SPECC1L: variants seen among roughly 807,000 people sequenced by gnomAD.
SPECC1L encodes the protein cytospin-A.
In SPECC1L, 40 loss-of-function variants were observed where a neutral mutation model predicts 116.8. That is an observed-to-expected ratio of 0.34 (90% CI 0.27 to 0.45). SPECC1L has a LOEUF of 0.45. SPECC1L is among the 20% of genes least tolerant of loss of function. The pLI is 1.00. For missense variants in SPECC1L, 1,110 were observed against 1,373.6 expected (o/e 0.81, Z 3.03); for synonymous variants, 504 against 500.6 (o/e 1.01, Z -0.09).
Position 24,313,441 on chromosome 22 carries a change from G to A in SPECC1L, c.282G>A (p.Val94=). Reference sequence around the variant, plus strand: ...CATCTGCCCCTGCCATGACCACCGTGGAGAACAAATCCAAGATTAGCACAG... The same window carrying A: ...CATCTGCCCCTGCCATGACCACCGTAGAGAACAAATCCAAGATTAGCACAG... The part of the protein sequence containing the change: ...PSASAPAMTT[V]ENKSKISTGT... The change falls in exon 4 of 17, where the codon GTG becomes GTA. Residue 94 remains valine (V), a synonymous_variant. Transcript: ENST00000314328. 1.2e-6 allele frequency: 2 copies of A among 1,614,104 alleles called. No homozygotes were observed. Among genetic ancestry groups the A allele is most frequent in the Non-Finnish European group, 8.5e-7 (1 of 1,180,038 alleles).
At position 24,347,192 on chromosome 22, in the gene SPECC1L, C is replaced by T. The variant is rs768977124; in HGVS notation, c.2743+16C>T. 6.3e-7 allele frequency: 1 copy of T among 1,581,486 alleles called. No individual in the cohort carries two copies. The highest frequency in any genetic ancestry group is 8.7e-7 in the Non-Finnish European group (1 of 1,150,428). The stretch of plus-strand genomic sequence containing the variant: ...CCTGTTCAAGGTACGTGTAATATGC[C>T]ATAGCATTTCACCTTTTTTTCAATT... On this transcript the variant is annotated intron_variant, in intron 11 of 16. Coordinates refer to ENST00000314328, the MANE Select transcript of SPECC1L (RefSeq NM_015330.6).
intron 2 of SPECC1L, among the ~76,000 whole-genome samples, chr22:24,280,217 T>A (rs1416294715): frequency 2.3e-4 from 35 of 152,302 alleles, no homozygotes; most frequent in African/African-American, 8.2e-4. Context: ...GCATCTCCAA[T>A]GCCTTGCTTT....
intron 11 of SPECC1L, among the ~76,000 whole-genome samples, chr22:24,356,430 T>A (rs1320121105): frequency 6.6e-6 from 1 of 152,162 alleles, no homozygotes; most frequent in African/African-American, 2.4e-5. Flanking sequence ...TTATATTTTT[T>A]AAATCTCTGA....
chr22:24,372,945 A>G (rs954338610), intron 14 of SPECC1L, among the ~76,000 whole-genome samples: 16 of 152,242 alleles, frequency 1.1e-4, no homozygotes, highest in Non-Finnish European at 7.3e-5. Flanking sequence ...TACAAAATCA[A>G]TGTGCAAAAA....
intron 14 of SPECC1L, among the ~76,000 whole-genome samples, chr22:24,403,961 G>T (rs1392900706): frequency 6.6e-6 from 1 of 152,162 alleles, no homozygotes; most frequent in African/African-American, 2.4e-5. Flanking sequence ...TTTTTTAAAA[G>T]CACACAAACC....
intron 11 of SPECC1L, among the ~76,000 whole-genome samples, chr22:24,355,246 G>A (rs921967072): frequency 7.6e-6 from 1 of 131,290 alleles, no homozygotes; most frequent in Non-Finnish European, 1.5e-5. Context: ...TCGTGCCACT[G>A]CACTCCAGCT....
chr22:24,342,486 C>T lies in SPECC1L; in HGVS notation c.2652+4009C>T, dbSNP rs190879291. 3.6e-3 allele frequency among the ~76,000 whole-genome samples: 541 copies of T among 152,178 alleles called. 4 individuals are homozygous for T. Among genetic ancestry groups the T allele is most frequent in the Non-Finnish European group, 4.2e-3 (284 of 68,000 alleles). ...AGGAGTTCAAGACCAGCCTGGCCAA[C>T]ATGGCGAAACCCCATCTCTACTAAA... On this transcript the variant is annotated intron_variant, in intron 10 of 16. Transcript: ENST00000314328.
At chr22:24,358,789 A>G (rs370849647) in intron 11 of SPECC1L, among the ~76,000 whole-genome samples, 1 of 152,216 alleles carries the variant, frequency 6.6e-6, no homozygotes, top group Non-Finnish European at 1.5e-5. Context: ...CTATTTTAAA[A>G]TCTATTTACC....
At chr22:24,277,355 T>A (rs1220235335) in intron 2 of SPECC1L, among the ~76,000 whole-genome samples, 1 of 152,248 alleles carries the variant, frequency 6.6e-6, no homozygotes, top group Non-Finnish European at 1.5e-5. Flanking sequence ...AAGCGTATAT[T>A]AACAAAATCA....
intron 10 of SPECC1L, among the ~76,000 whole-genome samples, chr22:24,345,280 G>T (rs2041268155): frequency 6.6e-6 from 1 of 152,012 alleles, no homozygotes; most frequent in South Asian, 2.1e-4. Flanking sequence ...AATAACCTCA[G>T]CCCGTACCTT....
chr22:24,384,858 T>C (rs762126364), intron 14 of SPECC1L, among the ~76,000 whole-genome samples: 8 of 152,132 alleles, frequency 5.3e-5, no homozygotes, highest in East Asian at 1.9e-4. Flanking sequence ...GGGCGGATCA[T>C]GAGGTCAGGA....
intron 11 of SPECC1L, among the ~76,000 whole-genome samples, chr22:24,349,308 C>T (rs975121293): frequency 1.3e-5 from 2 of 152,188 alleles, no homozygotes; most frequent in Non-Finnish European, 2.9e-5. Flanking sequence ...TCCCAAAGTG[C>T]TGGGATTACA....
intron 16 of SPECC1L, among the ~76,000 whole-genome samples, chr22:24,414,161 C>T (rs2042757698): frequency 6.6e-6 from 1 of 152,168 alleles, no homozygotes; most frequent in Non-Finnish European, 1.5e-5. Context: ...GAGAAATTCT[C>T]CTAGGCCAGT....
At chr22:24,414,367 C>T (rs1008450736) in intron 16 of SPECC1L, among the ~76,000 whole-genome samples, 167 bp from the exon 17 acceptor site, 2 of 152,168 alleles carry the variant, frequency 1.3e-5, no homozygotes, top group African/African-American at 4.8e-5. Context: ...GATGCTGATG[C>T]CCAGGGAGGA....
intron 5 of SPECC1L, among the ~76,000 whole-genome samples, chr22:24,323,397 C>T (rs1310940607): frequency 6.6e-5 from 10 of 152,280 alleles, no homozygotes; most frequent in Non-Finnish European, 1.3e-4. Flanking sequence ...TATAGAGGCT[C>T]CTGTTTCTCA....
intron 2 of SPECC1L, among the ~76,000 whole-genome samples, chr22:24,299,974 C>T (rs2049344142): frequency 6.6e-6 from 1 of 152,124 alleles, no homozygotes; most frequent in Non-Finnish European, 1.5e-5. Context: ...TAAATGGAAT[C>T]ATATAATACA....
Position 24,414,566 on chromosome 22 carries a change from C to T in SPECC1L, c.3297C>T (p.Pro1099=), listed in dbSNP as rs61736714. ...ATGAAATGGTACGGACTGAACGACC[C>T]GACTGGCAGAACGTGATGCTGTATG... The part of the protein sequence containing the change: ...DINEMVRTER[P]DWQNVMLYVT... Residue 1099 remains proline, a synonymous_variant, in exon 17 of 17, where the codon CCC becomes CCT. Transcript: ENST00000314328. The T allele has an allele frequency of 2.3e-4, 375 of 1,613,962 alleles. 1 individual carries two copies. In the African/African-American group the frequency reaches 4.1e-3, roughly 18 times the overall value.
chr22:24,369,335 CT>C lies in SPECC1L; in HGVS notation c.3087+19del, dbSNP rs1412079382. On this transcript the variant is annotated intron_variant, in intron 14 of 16. Coordinates refer to ENST00000314328, the MANE Select transcript of SPECC1L (RefSeq NM_015330.6). ...AAGGCTATCAGGTAATCATATGATT[CT>C]TTTGTCCCATGTGAGTAATTGGCAA... 1 of 1,593,856 alleles carries C rather than the reference CT, an allele frequency of 6.3e-7. No individual in the cohort carries two copies. The highest frequency in any genetic ancestry group is 8.6e-7 in the Non-Finnish European group (1 of 1,161,558).
intron 11 of SPECC1L, among the ~76,000 whole-genome samples, chr22:24,361,011 A>G (rs558897343): frequency 6.6e-6 from 1 of 152,178 alleles, no homozygotes; most frequent in African/African-American, 2.4e-5. Context: ...TCTTTAAGCT[A>G]TATACATCCC....
Sources: gnomAD v4.1 joint callset for allele counts (sites outside exome capture counted in the v4.1 genomes callset) on GRCh38, gnomAD v4.1.1 for gene constraint, MANE v1.5 for transcripts, NCBI Gene and HGNC (gene_info 2026-07-23, HGNC 2026-07-21) for gene names.